Variants in MASTL observed in about 807,000 individuals in gnomAD.
The protein encoded by MASTL is microtubule associated serine/threonine kinase like.
MASTL carries 54 observed loss-of-function variants against 82.5 expected under a neutral mutation model. That is an observed-to-expected ratio of 0.65 (90% confidence interval 0.53 to 0.82). MASTL has a LOEUF of 0.82. Among genes scored for constraint, MASTL ranks in the 40% least tolerant of loss-of-function variants. MASTL has a pLI of 0.00. For synonymous variants in MASTL, 323 were observed against 368.9 expected (o/e 0.88, Z 1.43); for missense variants, 950 against 1,047.8 (o/e 0.91, Z 1.29).
At chr10:27,168,143 A>G (rs1441004808) in intron 7 of MASTL, among the ~76,000 whole-genome samples, 2 of 152,174 alleles carry the variant, frequency 1.3e-5, no homozygotes, top group African/African-American at 4.8e-5. Context: ...TCAGCAATAG[A>G]ATTTTATTAT....
chr10:27,170,907 A>G lies in MASTL; in HGVS notation c.1948A>G (p.Arg650Gly). ...LEVLKTLASK[R>G]NAVAFRSFNS... ...GGTGCTGAAAACGTTAGCCTCTAAAAGAAATGCTGTTGCTTTTCGAAGTTT... is the reference window on the plus strand; with the variant it reads ...GGTGCTGAAAACGTTAGCCTCTAAAGGAAATGCTGTTGCTTTTCGAAGTTT... The change falls in exon 8 of 12, where the codon AGA becomes GGA. Residue 650 changes from arginine to glycine, a missense_variant. Arg to Gly is a moderately radical substitution (Grantham distance 125). Transcript: ENST00000375940. 3 of 1,614,214 alleles carry G rather than the reference A, an allele frequency of 1.9e-6. No homozygotes were observed. Among genetic ancestry groups the G allele is most frequent in the Non-Finnish European group, 1.7e-6 (2 of 1,180,032 alleles).
chr10:27,181,419 C>T, intron 10 of MASTL, 61 bp from the exon 11 acceptor site: 1 of 1,235,902 alleles, frequency 8.1e-7, no homozygotes, highest in Non-Finnish European at 1.2e-6. Context: ...AGTCATTTAT[C>T]TCTGGATACT....
At chr10:27,182,775 A>G (rs565336351) in intron 11 of MASTL, among the ~76,000 whole-genome samples, 1 of 114,138 alleles carries the variant, frequency 8.8e-6, no homozygotes, top group South Asian at 2.7e-4. Flanking sequence ...TATCTAAAAC[A>G]ATCTTACCTC....
chr10:27,171,130 T>G (rs1442955952), intron 8 of MASTL, 47 bp downstream of exon 8: 1 of 1,502,946 alleles, frequency 6.7e-7, no homozygotes, highest in Non-Finnish European at 9.3e-7. Flanking sequence ...TTAGAAAAAC[T>G]ATGAAGACAG....
rs4018758 is a variant in MASTL at position 27,183,269 on chromosome 10, TTTGTTG to T, written c.2482+1713_2482+1718del. ...TCATTAGCAGCTGCCTTAAAATTCT[TTTGTTG>T]TTGTTGTTGTTGTTGTTGTTGTTGA... is the stretch of plus-strand genomic sequence containing the variant. On this transcript the variant is annotated intron_variant, in intron 11 of 11. Transcript: ENST00000375940. 1.7e-3 allele frequency among the ~76,000 whole-genome samples: 259 copies of T among 150,234 alleles called. 1 individual carries two copies. Among genetic ancestry groups the T allele is most frequent in the Middle Eastern group, 3.4e-3 (1 of 294 alleles).
Position 27,187,586 on chromosome 10 carries a change from T to A in MASTL, c.*1050T>A, listed in dbSNP as rs2058841610. Among the ~76,000 whole-genome samples the A allele has an allele frequency of 6.6e-6, 1 of 151,998 alleles. No homozygotes were observed. The highest frequency in any genetic ancestry group is 1.5e-5 in the Non-Finnish European group (1 of 67,992). ...GGCCAACATGGCAAAACCTGGTCTC[T>A]ACTAAAAATAGAAAAATTAGCCAGG... is the stretch of plus-strand genomic sequence containing the variant. On this transcript the variant is annotated 3_prime_UTR_variant, in exon 12 of 12. Coordinates refer to ENST00000375940, the MANE Select transcript of MASTL (RefSeq NM_001172303.3).
intron 9 of MASTL, among the ~76,000 whole-genome samples, chr10:27,176,507 C>G (rs552031315): frequency 6.6e-6 from 1 of 152,318 alleles, no homozygotes; most frequent in East Asian, 1.9e-4. Flanking sequence ...CCTTGTCTCT[C>G]AAAGAGTCTC....
At chr10:27,183,200 C>T (rs757893311) in intron 11 of MASTL, among the ~76,000 whole-genome samples, 15 of 152,102 alleles carry the variant, frequency 9.9e-5, no homozygotes, top group Non-Finnish European at 1.9e-4. Flanking sequence ...GTAGTTTTCT[C>T]AATGCAGGAG....
At position 27,186,415 on chromosome 10, in the gene MASTL, G is replaced by A; in HGVS notation, c.2519G>A (p.Trp840Ter). 6.2e-7 allele frequency: 1 copy of A among 1,614,108 alleles called. No individual in the cohort carries two copies. The highest frequency in any genetic ancestry group is 8.5e-7 in the Non-Finnish European group (1 of 1,180,020). Residue 840 changes from tryptophan (W) to a stop codon, truncating the protein, a stop_gained, in exon 12 of 12, where the codon TGG becomes TAG. Coordinates refer to ENST00000375940, the MANE Select transcript of MASTL (RefSeq NM_001172303.3). LOFTEE classifies it high-confidence loss of function. Reference sequence around the variant, plus strand: ...CATCCTCTCTTCAGTGATGTGGACTGGGAAAATCTGCAGCATCAGACTATG... The same window carrying A: ...CATCCTCTCTTCAGTGATGTGGACTAGGAAAATCTGCAGCATCAGACTATG... ...KRHPLFSDVD[W>*]ENLQHQTMPF...
rs748230456 is a variant in MASTL, at chr10:27,173,251, G to C, written c.2258G>C (p.Arg753Thr). 2 of 1,613,986 alleles carry C rather than the reference G, an allele frequency of 1.2e-6. No individual in the cohort carries two copies. Among genetic ancestry groups the C allele is most frequent in the African/African-American group, 1.3e-5 (1 of 74,912 alleles). Residue 753 changes from arginine (R) to threonine (T), a missense_variant, in exon 9 of 12, where the codon AGG (arginine) becomes ACG (threonine). By Grantham distance (71) the Arg-to-Thr change is moderately conservative. Coordinates refer to ENST00000375940, the MANE Select transcript of MASTL (RefSeq NM_001172303.3). ...CTTGCACCTGAGCTGTTACTAGGCA[G>C]GGCCCATGGTAAGGCATGCATGTCT... The part of the protein sequence containing the change: ...DYLAPELLLG[R>T]AHGPAVDWWA...
intron 8 of MASTL, among the ~76,000 whole-genome samples, chr10:27,172,641 C>T (rs2057986680): frequency 6.6e-6 from 1 of 151,478 alleles, no homozygotes; most frequent in Admixed American, 6.6e-5. Flanking sequence ...GCAACAAGAG[C>T]GAAACTCCAT....
chr10:27,156,075 A>G (rs1181545157), intron 1 of MASTL, among the ~76,000 whole-genome samples: 4 of 150,312 alleles, frequency 2.7e-5, no homozygotes, highest in Non-Finnish European at 5.9e-5. Context: ...CGCAATCTCG[A>G]CTCACTGCAA....
At chr10:27,161,234 G>C (rs765812046) in intron 4 of MASTL, 52 bp downstream of exon 4, 1 of 1,068,714 alleles carries the variant, frequency 9.4e-7, no homozygotes. Flanking sequence ...CAGGCCAGGC[G>C]TGGTGGCTCA....
chr10:27,177,309 A>G (rs552094264), intron 9 of MASTL, among the ~76,000 whole-genome samples: 58 of 152,330 alleles, frequency 3.8e-4, no homozygotes, highest in Admixed American at 5.9e-4. Context: ...TGATTTTTAT[A>G]TAGTGCCTCT....
intron 4 of MASTL, among the ~76,000 whole-genome samples, chr10:27,164,248 A>C (rs1468850773): frequency 1.3e-5 from 2 of 152,188 alleles, no homozygotes; most frequent in Non-Finnish European, 2.9e-5. Context: ...GGGAAAAGCA[A>C]TTCTCCCACC....
rs753966203 is a variant in MASTL, at chr10:27,170,440, C to G, written c.1481C>G (p.Ser494Ter). 1 of 1,614,094 alleles carries G rather than the reference C, an allele frequency of 6.2e-7. No homozygotes were observed. Among genetic ancestry groups the G allele is most frequent in the South Asian group, 1.1e-5 (1 of 91,072 alleles). ...LTVEVQDLKL[S>*]VHKSQQNDCA... is the part of the protein sequence containing the mutation. Reference sequence around the variant, plus strand: ...GTTGAAGTGCAGGACCTTAAGCTATCAGTGCACAAAAGTCAACAAAATGAC... The same window carrying G: ...GTTGAAGTGCAGGACCTTAAGCTATGAGTGCACAAAAGTCAACAAAATGAC... The change falls in exon 8 of 12, where the codon TCA (serine) becomes TGA (stop). Residue 494 changes from serine to a stop codon, truncating the protein, a stop_gained. Coordinates refer to ENST00000375940, the MANE Select transcript of MASTL (RefSeq NM_001172303.3). LOFTEE classifies it high-confidence loss of function.
rs1156618373 is a variant in MASTL, at chr10:27,170,483, C to T, written c.1524C>T (p.Asn508=). The T allele has an allele frequency of 1.2e-6, 2 of 1,614,016 alleles. No individual in the cohort carries two copies. Among genetic ancestry groups the T allele is most frequent in the Admixed American group, 3.3e-5 (2 of 60,008 alleles). ...AAAATGACTGTGCTAATAAGGAGAA[C>T]ATTGTCAATTCTTTTACTGATAAAC... The part of the protein sequence containing the change: ...SQQNDCANKE[N]IVNSFTDKQQ... The change falls in exon 8 of 12, where the codon AAC becomes AAT. Residue 508 remains asparagine (N), a synonymous_variant. Coordinates refer to ENST00000375940, the MANE Select transcript of MASTL (RefSeq NM_001172303.3).
intron 11 of MASTL, among the ~76,000 whole-genome samples, chr10:27,182,182 C>T (rs2058357832): frequency 2.7e-5 from 4 of 150,170 alleles, no homozygotes; most frequent in Non-Finnish European, 4.4e-5. Flanking sequence ...ACCCGGGAGG[C>T]GGACATTGCA....
Position 27,165,111 on chromosome 10 carries a change from A to T in MASTL, c.601A>T (p.Arg201Ter). 1 of 1,613,536 alleles carries T rather than the reference A, an allele frequency of 6.2e-7. No individual in the cohort carries two copies. Among genetic ancestry groups the T allele is most frequent in the Non-Finnish European group, 8.5e-7 (1 of 1,179,454 alleles). Residue 201 changes from arginine to a stop codon, truncating the protein, a stop_gained, in exon 5 of 12, where the codon AGA (arginine) becomes TGA (stop). Coordinates refer to ENST00000375940, the MANE Select transcript of MASTL (RefSeq NM_001172303.3). LOFTEE classifies it high-confidence loss of function. ...TACAACACCATCAATGGCAAAACCTAGACAAGATTATTCAAGAACCCCAGG... is the reference window on the plus strand; with the variant it reads ...TACAACACCATCAATGGCAAAACCTTGACAAGATTATTCAAGAACCCCAGG... ...ILTTPSMAKP[R>*]QDYSRTPGQV... is the part of the protein sequence containing the mutation.
Sources: allele counts gnomAD v4.1 joint callset (sites outside exome capture counted in the v4.1 genomes callset), GRCh38; gene constraint gnomAD v4.1.1; transcripts MANE v1.5; gene names NCBI Gene and HGNC (gene_info 2026-07-23, HGNC 2026-07-21).